PAPPA2: variants seen among roughly 807,000 people sequenced by gnomAD.
PAPPA2 encodes pappalysin 2, also known as pappalysin-2.
In PAPPA2, 86 loss-of-function variants were observed where a neutral mutation model predicts 176.4. That is an observed-to-expected ratio of 0.49 (90% CI 0.41 to 0.58). The LOEUF is 0.58. Ranked by LOEUF, PAPPA2 falls within the 20% of genes least tolerant of loss-of-function variation. The pLI, the probability that PAPPA2 is intolerant of heterozygous loss-of-function variation, is 0.00. For synonymous variants in PAPPA2, 809 were observed against 852.2 expected, an observed-to-expected ratio of 0.95 and a Z score of 0.88; for missense variants, 2,073 against 2,256.9, an observed-to-expected ratio of 0.92 and a Z score of 1.65.
intron 3 of PAPPA2, among the ~76,000 whole-genome samples, chr1:176,619,035 G>A (rs1041046980): frequency 1.3e-5 from 2 of 152,106 alleles, no homozygotes; most frequent in Admixed American, 6.6e-5. Context: ...ACTGAGAGTC[G>A]AAGGGGGTAT....
Position 176,791,354 on chromosome 1 carries a change from T to C in PAPPA2, c.4892T>C (p.Ile1631Thr), listed in dbSNP as rs762531001. The C allele has an allele frequency of 3.1e-6, 5 of 1,608,664 alleles. No individual in the cohort carries two copies. Among genetic ancestry groups the C allele is most frequent in the Admixed American group, 3.3e-5 (2 of 59,792 alleles). The part of the protein sequence containing the change: ...NCNQEREKLP[I>T]LCTKEGLWTQ... ...TTACTTTTGATATTCTAGCTTCCCA[T>C]CCTCTGCACTAAAGAGGGCCTGTGG... The change falls in exon 19 of 23, where the codon ATC becomes ACC. Residue 1631 changes from isoleucine (I) to threonine (T), a missense_variant. Around this residue, in one of 4 missense-constraint regions of PAPPA2, gnomAD observed 846 missense variants for 857.9 expected, o/e 0.99. Transcript: ENST00000367662.
At chr1:176,756,674 T>C (rs1663435359) in intron 14 of PAPPA2, among the ~76,000 whole-genome samples, 1 of 152,176 alleles carries the variant, frequency 6.6e-6, no homozygotes, top group African/African-American at 2.4e-5. Context: ...TCTGTTTCTC[T>C]TCAGAAAGAC....
chr1:176,598,344 A>T (rs980202350), intron 3 of PAPPA2, among the ~76,000 whole-genome samples: 3 of 152,174 alleles, frequency 2.0e-5, no homozygotes, highest in African/African-American at 7.2e-5. Context: ...TTTAAACATT[A>T]TCCATTGATT....
At chr1:176,614,473 A>G (rs940205328) in intron 3 of PAPPA2, among the ~76,000 whole-genome samples, 2 of 152,222 alleles carry the variant, frequency 1.3e-5, no homozygotes, top group Admixed American at 1.3e-4. Flanking sequence ...TAAGCAAACC[A>G]TTTGAGATCA....
At chr1:176,756,764 G>T (rs1663442953) in intron 14 of PAPPA2, among the ~76,000 whole-genome samples, 1 of 152,008 alleles carries the variant, frequency 6.6e-6, no homozygotes, top group African/African-American at 2.4e-5. Context: ...ACAATGTGCA[G>T]GTTTGTTACA....
chr1:176,648,280 G>C (rs987503114), intron 3 of PAPPA2, among the ~76,000 whole-genome samples: 1 of 151,320 alleles, frequency 6.6e-6, no homozygotes, highest in African/African-American at 2.4e-5. Flanking sequence ...TTTATATGTG[G>C]ATTTTGTATC....
chr1:176,712,455 A>G (rs572531921), intron 12 of PAPPA2, among the ~76,000 whole-genome samples: 1 of 152,306 alleles, frequency 6.6e-6, no homozygotes, highest in East Asian at 1.9e-4. Flanking sequence ...ACTCTTTGCA[A>G]CTGATTCTTT....
Position 176,699,193 on chromosome 1 carries a change from C to A in PAPPA2, c.2840C>A (p.Pro947His). 6.2e-7 allele frequency: 1 copy of A among 1,614,150 alleles called. No individual in the cohort carries two copies. ...CACATGAACATGACGGTCCCCTGCCCCACAGAAGGCTGTAGCTTGGAGCTG... is the reference window on the plus strand; with the variant it reads ...CACATGAACATGACGGTCCCCTGCCACACAGAAGGCTGTAGCTTGGAGCTG... ...LYHMNMTVPC[P>H]TEGCSLELLF... The change falls in exon 8 of 23, where the codon CCC becomes CAC. Residue 947 changes from proline (P) to histidine (H), a missense_variant. This residue lies in a region of PAPPA2 where 1,196 missense variants were observed against 1,330.4 expected (regional missense o/e 0.90). Coordinates refer to ENST00000367662, the MANE Select transcript of PAPPA2 (RefSeq NM_020318.3).
At chr1:176,707,656 T>C (rs1423040770) in intron 10 of PAPPA2, among the ~76,000 whole-genome samples, 3 of 152,148 alleles carry the variant, frequency 2.0e-5, no homozygotes, top group Non-Finnish European at 4.4e-5. Context: ...TTCCCCTTTT[T>C]TCCAGTTCGA....
intron 21 of PAPPA2, among the ~76,000 whole-genome samples, chr1:176,819,149 T>C (rs952360791): frequency 3.3e-5 from 5 of 152,122 alleles, no homozygotes; most frequent in Non-Finnish European, 7.4e-5. Context: ...AGGTAAGAAG[T>C]TAAGGGCATC....
chr1:176,528,220 A>C (rs746807722), intron 1 of PAPPA2, among the ~76,000 whole-genome samples: 1 of 152,218 alleles, frequency 6.6e-6, no homozygotes, highest in African/African-American at 2.4e-5. Context: ...GGTCCAAGAT[A>C]GACTGAAGAG....
chr1:176,662,185 C>T (rs954484167), intron 3 of PAPPA2, among the ~76,000 whole-genome samples: 9 of 152,156 alleles, frequency 5.9e-5, no homozygotes, highest in African/African-American at 2.2e-4. Context: ...AACTTACAAT[C>T]TATGTGATCC....
At chr1:176,463,772 C>T (rs1651486598) in intron 1 of PAPPA2, among the ~76,000 whole-genome samples, 1 of 152,174 alleles carries the variant, frequency 6.6e-6, no homozygotes, top group African/African-American at 2.4e-5. Context: ...CTCATCCAGG[C>T]CTGTGCAGGG....
chr1:176,630,163 A>G (rs1656263632), intron 3 of PAPPA2, among the ~76,000 whole-genome samples: 1 of 152,230 alleles, frequency 6.6e-6, no homozygotes, highest in Non-Finnish European at 1.5e-5. Flanking sequence ...AAAAGCTTAC[A>G]GCATGATGTG....
intron 3 of PAPPA2, among the ~76,000 whole-genome samples, chr1:176,651,382 TA>T (rs1657712119): frequency 6.6e-6 from 1 of 151,612 alleles, no homozygotes; most frequent in Non-Finnish European, 1.5e-5. Flanking sequence ...ATATGAAGGA[TA>T]GCTTTTGTAG....
chr1:176,666,798 G>A (rs1157862540), intron 3 of PAPPA2, among the ~76,000 whole-genome samples: 1 of 151,972 alleles, frequency 6.6e-6, no homozygotes, highest in Non-Finnish European at 1.5e-5. Flanking sequence ...AGAGGAGATG[G>A]CCATAAACAA....
At chr1:176,523,280 A>G (rs767063371) in intron 1 of PAPPA2, among the ~76,000 whole-genome samples, 1 of 152,030 alleles carries the variant, frequency 6.6e-6, no homozygotes, top group Non-Finnish European at 1.5e-5. Context: ...TCTCCTCCCA[A>G]TTTCCCAAGA....
At chr1:176,743,264 T>C (rs1662765363) in intron 14 of PAPPA2, among the ~76,000 whole-genome samples, 1 of 152,152 alleles carries the variant, frequency 6.6e-6, no homozygotes, top group Non-Finnish European at 1.5e-5. Flanking sequence ...AATAGAGCCA[T>C]ACTAAAAGAG....
At chr1:176,698,446 A>G (rs1660485272) in intron 7 of PAPPA2, among the ~76,000 whole-genome samples, 1 of 152,182 alleles carries the variant, frequency 6.6e-6, no homozygotes, top group Non-Finnish European at 1.5e-5. Flanking sequence ...GCTGACTTTC[A>G]TAGATTCGTG....
Sources: allele counts gnomAD v4.1 joint callset (sites outside exome capture counted in the v4.1 genomes callset), GRCh38; gene constraint gnomAD v4.1.1; regional missense constraint gnomAD v4.1.1; transcripts MANE v1.5; gene names NCBI Gene and HGNC (gene_info 2026-07-23, HGNC 2026-07-21).